Variants in WIPF3 observed in about 807,000 individuals in gnomAD.
The protein encoded by WIPF3 is WAS/WASL interacting protein family member 3, also known as WAS/WASL-interacting protein family member 3.
In WIPF3, 33 loss-of-function variants were observed where a neutral mutation model predicts 38.9. The observed-to-expected ratio is 0.85, with a 90% CI of 0.64 to 1.14. WIPF3 has a LOEUF of 1.14. Ranked by LOEUF, WIPF3 falls within the 50% of genes most tolerant of loss-of-function variation. WIPF3 has a pLI of 0.00. For missense variants in WIPF3, 711 were observed against 652.5 expected (o/e 1.09, Z -0.98); for synonymous variants, 324 against 269.3 (o/e 1.20, Z -1.99).
chr7:29,856,997 G>A (rs1052248409), intron 2 of WIPF3, among the ~76,000 whole-genome samples: 1 of 152,204 alleles, frequency 6.6e-6, no homozygotes, highest in Non-Finnish European at 1.5e-5. Context: ...CTGCCGTCAG[G>A]TAAGACATAT....
intron 4 of WIPF3, among the ~76,000 whole-genome samples, chr7:29,883,022 G>A (rs1197553344): frequency 2.6e-5 from 4 of 152,310 alleles, no homozygotes; most frequent in South Asian, 2.1e-4. Context: ...CTGGCAAAAA[G>A]GTGCAAGGCT....
At chr7:29,817,113 G>T (rs1009248735) in intron 1 of WIPF3, among the ~76,000 whole-genome samples, 1 of 152,106 alleles carries the variant, frequency 6.6e-6, no homozygotes, top group Non-Finnish European at 1.5e-5. Flanking sequence ...TAACATTGAG[G>T]GTCTTTGAAT....
chr7:29,898,171 C>G (rs139776699), intron 7 of WIPF3, among the ~76,000 whole-genome samples: 1 of 152,302 alleles, frequency 6.6e-6, no homozygotes, highest in African/African-American at 2.4e-5. Context: ...CTCCCTCTTT[C>G]TGAAACACTT....
In WIPF3 at chr7:29,915,459, A is replaced by G; in HGVS notation, c.*943A>G. 1 of 152,136 alleles carries G rather than the reference A, an allele frequency of 6.6e-6. No individual in the cohort carries two copies. The highest frequency in any genetic ancestry group is 6.5e-5 in the Admixed American group (1 of 15,282). The allele number at this position is 152,136 out of a possible 1,614,324, so 9.4% of individuals were successfully genotyped here. A position where few individuals can be genotyped will look rare whatever the true frequency, so the allele number is the denominator to read the frequency against. The stretch of plus-strand genomic sequence containing the variant: ...TATGACATGAAAAAGTGTAGAACGA[A>G]ACATCGTGTGAAATACCTGCCACAA... On this transcript the variant is annotated 3_prime_UTR_variant, in exon 9 of 9. Transcript: ENST00000242140.
chr7:29,891,016 A>AT (rs1583622791), intron 7 of WIPF3, among the ~76,000 whole-genome samples: 2 of 51,684 alleles, frequency 3.9e-5, no homozygotes, highest in African/African-American at 7.8e-5. Flanking sequence ...GGAGGGGGCG[A>AT]GGGCCTGCCC....
Position 29,916,212 on chromosome 7 carries a change from A to T in WIPF3, c.*1696A>T, listed in dbSNP as rs1702659246. ...ACTAATTTGTTTTATTGGTTCTGGA[A>T]GATTTCCAAAAAGCCAGAATTTATT... On this transcript the variant is annotated 3_prime_UTR_variant, in exon 9 of 9. Transcript: ENST00000242140. 1 of 152,228 alleles carries T rather than the reference A, an allele frequency of 6.6e-6. No homozygotes were observed. The highest frequency in any genetic ancestry group is 2.4e-5 in the African/African-American group (1 of 41,450). The allele number at this position is 152,228 out of a possible 1,614,324, so 9.4% of individuals were successfully genotyped here. A position where few individuals can be genotyped will look rare whatever the true frequency, so the allele number is the denominator to read the frequency against.
chr7:29,889,510 G>T, intron 7 of WIPF3, 103 bp downstream of exon 7: 8 of 843,648 alleles, frequency 9.5e-6, no homozygotes, highest in South Asian at 1.5e-5. Context: ...ATGATGTCAT[G>T]ATTTCACTGT....
intron 2 of WIPF3, among the ~76,000 whole-genome samples, chr7:29,861,010 T>A (rs2128070585): frequency 6.6e-6 from 1 of 152,238 alleles, no homozygotes; most frequent in South Asian, 2.1e-4. Flanking sequence ...TACATGGAGA[T>A]GTTCAGCAGC....
chr7:29,837,971 T>G (rs1583597464), intron 2 of WIPF3, among the ~76,000 whole-genome samples: 1 of 152,330 alleles, frequency 6.6e-6, no homozygotes, highest in Non-Finnish European at 1.5e-5. Flanking sequence ...CAGGCTAGAG[T>G]GCAGTGGCAC....
chr7:29,879,234 G>A (rs1169548040), intron 4 of WIPF3, 94 bp downstream of exon 4: 5 of 1,466,074 alleles, frequency 3.4e-6, no homozygotes, highest in Non-Finnish European at 4.7e-6. Context: ...AAGCAACATG[G>A]TTTTACTGAA....
Position 29,862,053 on chromosome 7 carries a change from G to A in WIPF3, c.91-13777G>A, listed in dbSNP as rs934346360. On this transcript the variant is annotated intron_variant, in intron 2 of 8. Transcript: ENST00000242140. Reference sequence around the variant, plus strand: ...TGCAGCAATTCAGCCATGCAGTAGCGGGAAGCCCTGGTGTGGTTGCTGACA... The same window carrying A: ...TGCAGCAATTCAGCCATGCAGTAGCAGGAAGCCCTGGTGTGGTTGCTGACA... Among the ~76,000 whole-genome samples, 4 of 152,184 alleles carry A rather than the reference G, an allele frequency of 2.6e-5. No individual in the cohort carries two copies. In the South Asian group the frequency reaches 6.2e-4, roughly 24 times the overall value.
intron 2 of WIPF3, among the ~76,000 whole-genome samples, chr7:29,853,635 T>C (rs923480168): frequency 3.3e-5 from 5 of 152,220 alleles, no homozygotes; most frequent in African/African-American, 1.2e-4. Flanking sequence ...TTTTAGAGCA[T>C]GGTGATTAAG....
At chr7:29,840,420 A>AC (rs753471677) in intron 2 of WIPF3, among the ~76,000 whole-genome samples, 2 of 152,028 alleles carry the variant, frequency 1.3e-5, no homozygotes, top group Non-Finnish European at 2.9e-5. Flanking sequence ...ATATCTGCAA[A>AC]CCCCCCACTT....
At chr7:29,854,955 C>A (rs1196262082) in intron 2 of WIPF3, among the ~76,000 whole-genome samples, 1 of 152,188 alleles carries the variant, frequency 6.6e-6, no homozygotes, top group Non-Finnish European at 1.5e-5. Flanking sequence ...ACCTTCTAAC[C>A]TCCAGGACTC....
intron 2 of WIPF3, among the ~76,000 whole-genome samples, chr7:29,838,242 G>C (rs1333805944): frequency 6.6e-6 from 1 of 152,022 alleles, no homozygotes; most frequent in Non-Finnish European, 1.5e-5. Flanking sequence ...TTAAATGTTG[G>C]CTGGAGTATT....
intron 2 of WIPF3, among the ~76,000 whole-genome samples, chr7:29,843,138 C>T (rs1035204016): frequency 6.6e-6 from 1 of 152,214 alleles, no homozygotes; most frequent in African/African-American, 2.4e-5. Context: ...TGGTGGTGAA[C>T]ACCAGGAGCA....
intron 8 of WIPF3, among the ~76,000 whole-genome samples, chr7:29,908,490 A>G (rs1265164785): frequency 2.0e-5 from 3 of 152,244 alleles, no homozygotes; most frequent in Admixed American, 2.0e-4. Context: ...AGCTGTATAT[A>G]ACAGACATAT....
chr7:29,911,740 A>G (rs1317918732), intron 8 of WIPF3, among the ~76,000 whole-genome samples: 2 of 152,182 alleles, frequency 1.3e-5, no homozygotes, highest in African/African-American at 2.4e-5. Context: ...ACATAGAAGA[A>G]TGAAGTTGGA....
At chr7:29,822,300 GAC>G (rs1178427064) in intron 1 of WIPF3, among the ~76,000 whole-genome samples, 2 of 152,018 alleles carry the variant, frequency 1.3e-5, no homozygotes, top group Non-Finnish European at 2.9e-5. Context: ...AACTCCTTAT[GAC>G]ACAGAGAGAG....
Sources: gnomAD v4.1 joint callset for allele counts (sites outside exome capture counted in the v4.1 genomes callset) on GRCh38, gnomAD v4.1.1 for gene constraint, MANE v1.5 for transcripts, NCBI Gene and HGNC (gene_info 2026-07-23, HGNC 2026-07-21) for gene names.